ATRX: variants seen among roughly 807,000 people sequenced by gnomAD.
ATRX encodes chromatin remodeler ATRX.
Under a neutral mutation model 172.6 loss-of-function variants are expected in ATRX, and 12 were observed. The observed-to-expected ratio is 0.07, with a 90% CI of 0.04 to 0.11. ATRX has a LOEUF of 0.11. Among genes scored for constraint, ATRX ranks in the 10% least tolerant of loss-of-function variants. The probability of loss-of-function intolerance (pLI) is 1.00; values close to 1 mark genes in which losing one functional copy is unlikely to be tolerated. For missense variants in ATRX, 1,368 were observed against 1,767.4 expected, an observed-to-expected ratio of 0.77 and a Z score of 4.05; for synonymous variants, 674 against 594.7, an observed-to-expected ratio of 1.13 and a Z score of -1.94.
intron 26 of ATRX, among the ~76,000 whole-genome samples, chrX:77,591,061 GC>G (rs1290671541): frequency 8.9e-6 from 1 of 112,127 alleles, no homozygotes; most frequent in African/African-American, 3.2e-5. Context: ...CTCATTCTCT[GC>G]CCTAGTAATT....
intron 34 of ATRX, among the ~76,000 whole-genome samples, chrX:77,510,992 T>G (rs1269713297): frequency 8.9e-6 from 1 of 112,717 alleles, no homozygotes; most frequent in Non-Finnish European, 1.9e-5. Context: ...TGAGACCCAT[T>G]GCTATGCAGG....
At chrX:77,564,472 A>G (rs2065127860) in intron 28 of ATRX, among the ~76,000 whole-genome samples, 3 of 110,748 alleles carry the variant, frequency 2.7e-5, no homozygotes, top group African/African-American at 9.9e-5. Flanking sequence ...TGCAGCCTTG[A>G]CTTGCTGGGC....
intron 22 of ATRX, among the ~76,000 whole-genome samples, chrX:77,607,390 T>C (rs2066952110): frequency 8.9e-6 from 1 of 111,833 alleles, no homozygotes; most frequent in African/African-American, 3.2e-5. Flanking sequence ...TTATTTACAA[T>C]AGCTACAAAT....
At chrX:77,651,247 A>AAAAAAAAG (rs2069222990) in intron 15 of ATRX, among the ~76,000 whole-genome samples, 1 of 102,719 alleles carries the variant, frequency 9.7e-6, no homozygotes, top group East Asian at 3.1e-4. Context: ...AAAAAAAAAA[A>AAAAAAAAG]GATGAAACAA....
intron 2 of ATRX, among the ~76,000 whole-genome samples, chrX:77,712,514 G>C (rs1246511393): frequency 1.2e-4 from 14 of 112,414 alleles, no homozygotes; most frequent in African/African-American, 4.2e-4. Flanking sequence ...ATGAGGACTA[G>C]AAAAATGAAT....
At chrX:77,746,161 G>T (rs1191081721) in intron 1 of ATRX, among the ~76,000 whole-genome samples, 4 of 110,823 alleles carry the variant, frequency 3.6e-5, no homozygotes, top group Non-Finnish European at 7.5e-5. Context: ...AGAGCAGGAG[G>T]TGGGAGATCA....
At chrX:77,571,621 G>A (rs782628914) in intron 28 of ATRX, among the ~76,000 whole-genome samples, 2 of 111,663 alleles carry the variant, frequency 1.8e-5, no homozygotes, top group South Asian at 7.4e-4. Context: ...GAGCTTTGTG[G>A]TGATGGAATA....
At chrX:77,707,844 C>T (rs1557157923) in intron 2 of ATRX, among the ~76,000 whole-genome samples, 2 of 111,844 alleles carry the variant, frequency 1.8e-5, no homozygotes. Flanking sequence ...ACATCATTAC[C>T]CTTCAGGCAG....
At chrX:77,589,783 TG>T (rs2066167981) in intron 27 of ATRX, 50 bp downstream of exon 27, 1 of 1,027,147 alleles carries the variant, frequency 9.7e-7, no homozygotes, top group Non-Finnish European at 1.4e-6. Flanking sequence ...TTGTATGGTA[TG>T]TTTAAATCAG....
rs1557099310 is a variant in ATRX, at chrX:77,620,500, T to C, written c.5167A>G (p.Ile1723Val). Reference sequence around the variant, plus strand: ...ACAGCAGATGCTTCATTTTTTAGAATATGGCCTTCATCACAAACAACAAAA... The same window carrying C: ...ACAGCAGATGCTTCATTTTTTAGAACATGGCCTTCATCACAAACAACAAAA... ...PDFVVCDEGHILKNEASAVSK... is the reference protein window; with the variant it reads ...PDFVVCDEGHVLKNEASAVSK... The change falls in exon 20 of 35, where the codon ATT (isoleucine) becomes GTT (valine). Residue 1723 changes from isoleucine to valine, a missense_variant. This residue lies in a region of ATRX where 23 missense variants were observed against 143.8 expected (regional missense o/e 0.16). Transcript: ENST00000373344. The C allele has an allele frequency of 8.3e-7, 1 of 1,207,147 alleles. No homozygotes were observed. Among genetic ancestry groups the C allele is most frequent in the Non-Finnish European group, 1.1e-6 (1 of 891,860 alleles).
rs782149844 is a variant in ATRX, at chrX:77,775,881, G to A, written c.20+10101C>T. Reference sequence around the variant, plus strand: ...TGAGTAGCTGGGATTACAGGCATGCGCCACCACGCCCGGCTAATTTTTGTA... The same window carrying A: ...TGAGTAGCTGGGATTACAGGCATGCACCACCACGCCCGGCTAATTTTTGTA... On this transcript the variant is annotated intron_variant, in intron 1 of 34. Coordinates refer to ENST00000373344, the MANE Select transcript of ATRX (RefSeq NM_000489.6). Among the ~76,000 whole-genome samples the A allele has an allele frequency of 3.5e-4, 39 of 110,397 alleles. No individual in the cohort carries two copies. In the East Asian group the frequency reaches 0.01, roughly 29 times the overall value.
intron 6 of ATRX, chrX:77,690,806 G>T (rs1164886492): frequency 8.9e-6 from 1 of 112,344 alleles, no homozygotes; most frequent in Non-Finnish European, 1.9e-5. Flanking sequence ...TACTTACTAA[G>T]TATCTTCTAT....
At chrX:77,650,200 G>A (rs1557116018) in intron 15 of ATRX, among the ~76,000 whole-genome samples, 1 of 111,962 alleles carries the variant, frequency 8.9e-6, no homozygotes, top group African/African-American at 3.2e-5. Flanking sequence ...GTGGAACAAA[G>A]TTAGAGGAGC....
intron 28 of ATRX, among the ~76,000 whole-genome samples, chrX:77,567,197 CAAAAG>C (rs1371672324): frequency 9.1e-6 from 1 of 110,339 alleles, no homozygotes; most frequent in African/African-American, 3.3e-5. Context: ...AAATCATAAA[CAAAAG>C]AAAATAAAAT....
At chrX:77,650,359 C>T (rs781975983) in intron 15 of ATRX, among the ~76,000 whole-genome samples, 11 of 111,302 alleles carry the variant, frequency 9.9e-5, no homozygotes, top group African/African-American at 1.6e-4. Flanking sequence ...CCAATTTATA[C>T]GAAATATAGA....
At chrX:77,641,888 T>A (rs1345298501) in intron 15 of ATRX, among the ~76,000 whole-genome samples, 4 of 111,232 alleles carry the variant, frequency 3.6e-5, no homozygotes, top group African/African-American at 1.3e-4. Context: ...TTTCAAAAAA[T>A]AATGATGTGA....
intron 1 of ATRX, among the ~76,000 whole-genome samples, chrX:77,774,494 G>A (rs375441670): frequency 5.4e-5 from 6 of 110,637 alleles, no homozygotes; most frequent in African/African-American, 9.8e-5. Context: ...TGGCTAACAC[G>A]GTGAAAACCC....
intron 30 of ATRX, among the ~76,000 whole-genome samples, chrX:77,534,176 A>G (rs1436645403): frequency 8.9e-6 from 1 of 111,896 alleles, no homozygotes; most frequent in African/African-American, 3.2e-5. Context: ...TATGTAGTTC[A>G]TAAGCAGGAA....
intron 30 of ATRX, among the ~76,000 whole-genome samples, chrX:77,551,320 C>T (rs942476218): frequency 9.0e-6 from 1 of 111,698 alleles, no homozygotes; most frequent in Non-Finnish European, 1.9e-5. Flanking sequence ...CACACATCTA[C>T]AACCATCTGA....
Sources: gnomAD v4.1 joint callset for allele counts (sites outside exome capture counted in the v4.1 genomes callset) on GRCh38, gnomAD v4.1.1 for gene constraint, gnomAD v4.1.1 regional missense constraint, MANE v1.5 for transcripts, NCBI Gene and HGNC (gene_info 2026-07-23, HGNC 2026-07-21) for gene names.